Variants in NIPBL observed in about 807,000 individuals in gnomAD.
NIPBL encodes NIPBL cohesin loading factor, also known as nipped-B-like protein.
Under a neutral mutation model 321.8 loss-of-function variants are expected in NIPBL, and 19 were observed. That is an observed-to-expected ratio of 0.06 (90% CI 0.04 to 0.09). The LOEUF (loss-of-function observed/expected upper bound fraction) is 0.09. Among genes scored for constraint, NIPBL ranks in the 10% least tolerant of loss-of-function variants. The probability of loss-of-function intolerance (pLI) is 1.00; values close to 1 mark genes in which losing one functional copy is unlikely to be tolerated. For missense variants in NIPBL, 2,210 were observed against 3,327.0 expected, an observed-to-expected ratio of 0.66 and a Z score of 8.26; for synonymous variants, 1,106 against 1,114.1, an observed-to-expected ratio of 0.99 and a Z score of 0.14.
chr5:37,049,508 A>G (rs1753305073), intron 40 of NIPBL, among the ~76,000 whole-genome samples: 1 of 152,116 alleles, frequency 6.6e-6, no homozygotes, highest in Non-Finnish European at 1.5e-5. Flanking sequence ...TCTGTTATAA[A>G]CTTGTAATTT....
intron 1 of NIPBL, among the ~76,000 whole-genome samples, chr5:36,933,874 CA>C (rs1749965691): frequency 6.6e-6 from 1 of 151,834 alleles, no homozygotes; most frequent in Admixed American, 6.6e-5. Flanking sequence ...TTTACATTTT[CA>C]GTCCATGTAA....
intron 1 of NIPBL, among the ~76,000 whole-genome samples, chr5:36,952,515 A>G (rs1301061592): frequency 6.6e-6 from 1 of 152,200 alleles, no homozygotes; most frequent in Non-Finnish European, 1.5e-5. Flanking sequence ...AAAAGGACTT[A>G]CCAAGTACTG....
At chr5:36,894,243 C>T (rs781036186) in intron 1 of NIPBL, among the ~76,000 whole-genome samples, 8 of 151,984 alleles carry the variant, frequency 5.3e-5, no homozygotes, top group Non-Finnish European at 1.2e-4. Flanking sequence ...AAAAAGTAAT[C>T]AAATTAGCTC....
At position 37,059,043 on chromosome 5, in the gene NIPBL, A is replaced by G. The variant is rs754086108; in HGVS notation, c.7563A>G (p.Ser2521=). The change falls in exon 44 of 47, where the codon TCA becomes TCG. Residue 2521 remains serine, a synonymous_variant. Transcript: ENST00000282516. The part of the protein sequence containing the change: ...SDSDSEDDIN[S]VMKCLPENSA... The stretch of plus-strand genomic sequence containing the variant: ...CAGATTCAGAAGACGATATAAATTC[A>G]GTGATGAAATGTTTGCCAGAAAATT... 3 of 1,614,122 alleles carry G rather than the reference A, an allele frequency of 1.9e-6. No individual in the cohort carries two copies. The highest frequency in any genetic ancestry group is 2.7e-5 in the African/African-American group (2 of 74,954).
rs1186794704 is a variant in NIPBL at position 37,011,191 on chromosome 5, TTTTG to T, written c.4560+970_4560+973del. ...ACAAAAGTTTAAGAGAAACAAATAA[TTTTG>T]TTTATCTACTGTTAGAGCCAAGCAT... On this transcript the variant is annotated intron_variant, in intron 21 of 46. Transcript: ENST00000282516. Among the ~76,000 whole-genome samples, 18 of 152,320 alleles carry T rather than the reference TTTTG, an allele frequency of 1.2e-4. No individual in the cohort carries two copies. In the South Asian group the frequency reaches 3.1e-3, roughly 26 times the overall value.
chr5:36,971,546 A>G (rs985712050), intron 7 of NIPBL, among the ~76,000 whole-genome samples: 4 of 151,994 alleles, frequency 2.6e-5, no homozygotes, highest in African/African-American at 4.8e-5. Context: ...AAAATATTCC[A>G]CATTCTGGAA....
At chr5:36,908,598 T>G (rs914310409) in intron 1 of NIPBL, among the ~76,000 whole-genome samples, 2 of 152,118 alleles carry the variant, frequency 1.3e-5, no homozygotes, top group Non-Finnish European at 2.9e-5. Flanking sequence ...AATAGAAAGA[T>G]TTAAAGGTAT....
In NIPBL at chr5:37,000,805, T is replaced by G; in HGVS notation, c.3503-12T>G. ...AGTCCTGCATTTCAGTACTTCTTTTTGTTCGTTTTAGTTGCTAGGAAAATG... is the reference window on the plus strand; with the variant it reads ...AGTCCTGCATTTCAGTACTTCTTTTGGTTCGTTTTAGTTGCTAGGAAAATG... On this transcript the variant is annotated splice_polypyrimidine_tract_variant and intron_variant, in intron 12 of 46. Coordinates refer to ENST00000282516, the MANE Select transcript of NIPBL (RefSeq NM_133433.4). The G allele has an allele frequency of 6.2e-7, 1 of 1,602,578 alleles. No individual in the cohort carries two copies. The highest frequency in any genetic ancestry group is 8.5e-7 in the Non-Finnish European group (1 of 1,170,172).
intron 11 of NIPBL, among the ~76,000 whole-genome samples, chr5:36,997,742 G>A (rs1161485680): frequency 6.6e-6 from 1 of 152,128 alleles, no homozygotes; most frequent in Non-Finnish European, 1.5e-5. Flanking sequence ...TTTGAATGGT[G>A]AAAGAAGTCC....
At chr5:36,974,901 T>C (rs1360096714) in intron 8 of NIPBL, among the ~76,000 whole-genome samples, 15 of 152,108 alleles carry the variant, frequency 9.9e-5, no homozygotes, top group Admixed American at 9.8e-4. Flanking sequence ...AAGAAATGTA[T>C]ACATTATTCA....
chr5:36,957,384 C>G (rs1741085154), intron 3 of NIPBL, among the ~76,000 whole-genome samples: 1 of 152,158 alleles, frequency 6.6e-6, no homozygotes, highest in African/African-American at 2.4e-5. Context: ...AAGACATTCC[C>G]AGAAAGTCAG....
intron 34 of NIPBL, among the ~76,000 whole-genome samples, chr5:37,043,373 C>A (rs929706024): frequency 1.3e-5 from 2 of 151,904 alleles, no homozygotes; most frequent in African/African-American, 4.8e-5. Context: ...ACTAAAAATA[C>A]AAAAATTAGC....
intron 9 of NIPBL, among the ~76,000 whole-genome samples, chr5:36,983,790 G>A (rs1395077113): frequency 6.6e-6 from 1 of 151,896 alleles, no homozygotes; most frequent in African/African-American, 2.4e-5. Flanking sequence ...ACATTTTATT[G>A]TAATGGTGAA....
intron 24 of NIPBL, among the ~76,000 whole-genome samples, chr5:37,018,267 G>A (rs1452123616): frequency 1.3e-5 from 2 of 152,032 alleles, no homozygotes; most frequent in African/African-American, 2.4e-5. Context: ...AATATCTATA[G>A]TACAATTATC....
intron 1 of NIPBL, among the ~76,000 whole-genome samples, chr5:36,926,490 C>A (rs1166348786): frequency 2.6e-5 from 4 of 152,190 alleles, no homozygotes; most frequent in Non-Finnish European, 4.4e-5. Flanking sequence ...CTGCATACAG[C>A]ATCATCAGCA....
intron 1 of NIPBL, among the ~76,000 whole-genome samples, chr5:36,903,735 A>G (rs1489347368): frequency 2.0e-5 from 3 of 152,192 alleles, no homozygotes; most frequent in African/African-American, 2.4e-5. Context: ...ATTTTAGGCT[A>G]CTTCTTAGTT....
Position 36,961,510 on chromosome 5 carries a change from T to C in NIPBL, c.385T>C (p.Ser129Pro), listed in dbSNP as rs141976717. 7.4e-6 allele frequency: 12 copies of C among 1,611,334 alleles called. No individual in the cohort carries two copies. The highest frequency in any genetic ancestry group is 2.7e-5 in the African/African-American group (2 of 74,894). The change falls in exon 5 of 47, where the codon TCT (serine) becomes CCT (proline). Residue 129 changes from serine to proline, a missense_variant. By Grantham distance (74) the Ser-to-Pro change is moderately conservative. Transcript: ENST00000282516. ...AATGATGATGTCTCAGTATAAACTT[T>C]CTCAGAATTCCATGCACAGTAGTCC... ...SGMMMSQYKLSQNSMHSSPAS... is the reference protein window; with the variant it reads ...SGMMMSQYKLPQNSMHSSPAS...
At chr5:37,058,696 G>C (rs1478670532) in intron 43 of NIPBL, among the ~76,000 whole-genome samples, 195 bp from the exon 44 acceptor site, 1 of 152,016 alleles carries the variant, frequency 6.6e-6, no homozygotes, top group Admixed American at 6.6e-5. Flanking sequence ...GTAGGGGAGG[G>C]GGTGGATATT....
chr5:36,942,260 C>T (rs1739168571), intron 1 of NIPBL, among the ~76,000 whole-genome samples: 3 of 151,162 alleles, frequency 2.0e-5, no homozygotes, highest in African/African-American at 7.3e-5. Context: ...TGGTAAAGCC[C>T]GTCTCTACTA....
Sources: allele counts gnomAD v4.1 joint callset (sites outside exome capture counted in the v4.1 genomes callset), GRCh38; gene constraint gnomAD v4.1.1; transcripts MANE v1.5; gene names NCBI Gene and HGNC (gene_info 2026-07-23, HGNC 2026-07-21).